Variants in NSD2 observed in about 807,000 individuals in gnomAD.
NSD2 encodes histone-lysine N-methyltransferase NSD2.
A neutral mutation model predicts 139.0 loss-of-function variants in NSD2; 12 were observed. The observed-to-expected ratio is 0.09, with a 90% CI of 0.06 to 0.14. The LOEUF (loss-of-function observed/expected upper bound fraction) is 0.14, where lower values mean the gene tolerates loss of function less well. NSD2 is among the 10% of genes least tolerant of loss of function. The pLI is 1.00. For missense variants in NSD2, 1,155 were observed against 1,745.0 expected (o/e 0.66, Z 6.02); for synonymous variants, 669 against 648.7 (o/e 1.03, Z -0.48).
chr4:1,905,492 G>A (rs1456575034), intron 3 of NSD2, among the ~76,000 whole-genome samples: 1 of 152,264 alleles, frequency 6.6e-6, no homozygotes, highest in African/African-American at 2.4e-5. Context: ...GGAGGCCTGA[G>A]CTCCTGTGGG....
At chr4:1,971,237 A>G (rs1293710368) in intron 18 of NSD2, among the ~76,000 whole-genome samples, 1 of 152,128 alleles carries the variant, frequency 6.6e-6, no homozygotes, top group Admixed American at 6.5e-5. Flanking sequence ...GGTGAAGTCG[A>G]AGAAAGGAGT....
rs111735900 is a variant in NSD2 at position 1,975,469 on chromosome 4, C to T, written c.3621+69C>T. 16 of 1,403,524 alleles carry T rather than the reference C, an allele frequency of 1.1e-5. No homozygotes were observed. The East Asian group carries it at 3.0e-4, about 26-fold the overall frequency. The allele number at this position is 1,403,524 out of a possible 1,614,324, so 86.9% of individuals were successfully genotyped here. A position where few individuals can be genotyped will look rare whatever the true frequency, so the allele number is the denominator to read the frequency against. On this transcript the variant is annotated intron_variant, in intron 20 of 21. Transcript: ENST00000508803. ...ATTTTGCACTCCTGGAGACCTGTGT[C>T]CCCCGTGAACAGCGGCTTCCTCCAG...
At position 1,978,963 on chromosome 4, in the gene NSD2, C is replaced by A; in HGVS notation, c.*54C>A. 4.2e-6 allele frequency: 6 copies of A among 1,444,300 alleles called. No homozygotes were observed. In the African/African-American group the frequency reaches 4.3e-5, roughly 10 times the overall value. The allele number at this position is 1,444,300 out of a possible 1,614,324, so 89.5% of individuals were successfully genotyped here. On this transcript the variant is annotated 3_prime_UTR_variant, in exon 22 of 22. Coordinates refer to ENST00000508803, the MANE Select transcript of NSD2 (RefSeq NM_001042424.3). The stretch of plus-strand genomic sequence containing the variant: ...GGGCGGTGCAGGGCGGCCGGCCCTG[C>A]CTGCGGGAGAGGGCGAGCATGAACT...
rs557395285 is a variant in NSD2, at chr4:1,888,029, T to A, written c.-29-12597T>A. Among the ~76,000 whole-genome samples the A allele has an allele frequency of 5.4e-4, 82 of 152,300 alleles. No individual in the cohort carries two copies. In the South Asian group the frequency reaches 0.017, roughly 31 times the overall value. Reference sequence around the variant, plus strand: ...CATCTTCTGCGATGGACCATCTGTTTTTTGCATCTCATGTCTTCCTTAGTT... The same window carrying A: ...CATCTTCTGCGATGGACCATCTGTTATTTGCATCTCATGTCTTCCTTAGTT... On this transcript the variant is annotated intron_variant, in intron 1 of 21. Coordinates refer to ENST00000508803, the MANE Select transcript of NSD2 (RefSeq NM_001042424.3).
In NSD2 at chr4:1,955,139, G is replaced by A. The variant is rs771978108; in HGVS notation, c.2339-22G>A. On this transcript the variant is annotated intron_variant, in intron 12 of 21. Transcript: ENST00000508803. This position sits in a 1 kb window ranked among gnomAD's most constrained non-coding sequence, Gnocchi z 4.7. The stretch of plus-strand genomic sequence containing the variant: ...CTGGAGTCAGTGTTTGGGGTCCTTA[G>A]GGTGTGTTTCTTTGCCTTCAGGTAA... 1 of 1,588,022 alleles carries A rather than the reference G, an allele frequency of 6.3e-7. No individual in the cohort carries two copies. Among genetic ancestry groups the A allele is most frequent in the South Asian group, 1.1e-5 (1 of 90,236 alleles).
At chr4:1,928,366 G>A (rs1308101283) in intron 5 of NSD2, among the ~76,000 whole-genome samples, 2 of 152,216 alleles carry the variant, frequency 1.3e-5, no homozygotes, top group Non-Finnish European at 2.9e-5. Context: ...GCTAACCTGA[G>A]CTTAAAAGTT....
chr4:1,938,363 T>C, intron 7 of NSD2, 88 bp from the exon 8 acceptor site: 2 of 1,185,898 alleles, frequency 1.7e-6, no homozygotes, highest in East Asian at 2.8e-5. Flanking sequence ...TCTTTTCCTT[T>C]TGTTGTTCTT....
rs1173566157 is a variant in NSD2 at position 1,918,580 on chromosome 4, C to G, written c.1367C>G (p.Ala456Gly). Residue 456 changes from alanine (A) to glycine (G), a missense_variant, in exon 5 of 22, where the codon GCA becomes GGA. By Grantham distance (60) the Ala-to-Gly change is moderately conservative. Transcript: ENST00000508803. Reference protein sequence around the residue: ...VSMPRSRKGDAASQFLVFCQK... With the variant: ...VSMPRSRKGDGASQFLVFCQK... ...ATGCCACGAAGCAGGAAGGGAGATG[C>G]AGCATCCCAGTTTTTGGTCTTCTGT... 8.1e-6 allele frequency: 13 copies of G among 1,613,760 alleles called. No individual in the cohort carries two copies. Among genetic ancestry groups the G allele is most frequent in the Non-Finnish European group, 1.0e-5 (12 of 1,179,976 alleles).
intron 9 of NSD2, chr4:1,946,334 C>A: frequency 1.6e-6 from 1 of 610,294 alleles, no homozygotes; most frequent in Non-Finnish European, 2.1e-6. Flanking sequence ...GTGGCACAAT[C>A]TCGGCTCACT....
intron 1 of NSD2, among the ~76,000 whole-genome samples, chr4:1,895,544 T>C (rs1444168077): frequency 1.3e-5 from 2 of 152,178 alleles, no homozygotes; most frequent in African/African-American, 4.8e-5. Context: ...TCAATACCAA[T>C]ACTTTTTTTT....
intron 1 of NSD2, among the ~76,000 whole-genome samples, chr4:1,892,505 A>G (rs779830910): frequency 3.3e-5 from 5 of 152,204 alleles, no homozygotes; most frequent in Admixed American, 6.5e-5. Context: ...TATTTTAAAA[A>G]ACAGCAATGT....
Position 1,978,425 on chromosome 4 carries a change from C to T in NSD2, c.3827-213C>T, listed in dbSNP as rs76358965. Among the ~76,000 whole-genome samples, 450 of 152,276 alleles carry T rather than the reference C, an allele frequency of 3.0e-3. 9 individuals carry two copies. The East Asian group carries it at 0.044, about 15-fold the overall frequency. On this transcript the variant is annotated intron_variant, in intron 21 of 21. Coordinates refer to ENST00000508803, the MANE Select transcript of NSD2 (RefSeq NM_001042424.3). Reference sequence around the variant, plus strand: ...CATAAAGAGACGCTAACAGGTGGTCCTTAGGGGCCTGGCAGGTACTGTGGA... The same window carrying T: ...CATAAAGAGACGCTAACAGGTGGTCTTTAGGGGCCTGGCAGGTACTGTGGA...
In NSD2 at chr4:1,981,403, G is replaced by T. The variant is rs920073105; in HGVS notation, c.*2494G>T. ...CCCTGCCCAGCTTTGTTCTGAGGAC[G>T]TGGTGACTTCCTGAACATCAGCTTC... On this transcript the variant is annotated 3_prime_UTR_variant, in exon 22 of 22. Transcript: ENST00000508803. The T allele has an allele frequency of 3.9e-5, 9 of 233,622 alleles. No individual in the cohort carries two copies. Among genetic ancestry groups the T allele is most frequent in the Non-Finnish European group, 7.6e-5 (9 of 118,302 alleles). 14.5% of individuals were successfully genotyped at this position (233,622 alleles called of 1,614,324 possible).
intron 3 of NSD2, among the ~76,000 whole-genome samples, chr4:1,914,722 A>G (rs1275499123): frequency 6.6e-6 from 1 of 152,182 alleles, no homozygotes. Flanking sequence ...TTTTGAAGGT[A>G]TTACTCCATT....
chr4:1,911,587 C>CAAAAAAAAAAAAAAAAAAAAAAAA (rs372660600), intron 3 of NSD2, among the ~76,000 whole-genome samples: 2 of 42,080 alleles, frequency 4.8e-5, no homozygotes, highest in East Asian at 8.0e-4. Context: ...GACGCCATCT[C>CAAAAAAAAAAAAAAAAAAAAAAAA]AAAAAAAAAA....
At chr4:1,872,629 A>AGAGAGAGAGAGAGAGAGAGAGAGAGAGG (rs1553856461) in intron 1 of NSD2, among the ~76,000 whole-genome samples, 4 of 142,694 alleles carry the variant, frequency 2.8e-5, no homozygotes, top group Non-Finnish European at 4.6e-5. Context: ...AGAGAGAGAG[A>AGAGAGAGAGAGAGAGAGAGAGAGAGAGG]GAGAGAGCGC....
intron 5 of NSD2, among the ~76,000 whole-genome samples, chr4:1,921,846 G>A (rs1006375861): frequency 1.3e-5 from 2 of 151,720 alleles, no homozygotes; most frequent in Non-Finnish European, 2.9e-5. Context: ...AACGTTGTAC[G>A]GAAAATAGTA....
rs963015314 is a variant in NSD2, at chr4:1,944,925, C to T, written c.1881+5147C>T. ...TGTATCTCCCAACTAGAAACAGCTC[C>T]AGTGTTTTTAAGAGAATGTTTCTTA... On this transcript the variant is annotated intron_variant, in intron 9 of 21. Transcript: ENST00000508803. 2.9e-5 allele frequency: 31 copies of T among 1,063,262 alleles called. No homozygotes were observed. The African/African-American group carries it at 4.9e-4, about 17-fold the overall frequency. 65.9% of individuals were successfully genotyped at this position (1,063,262 alleles called of 1,614,324 possible).
chr4:1,912,945 A>G (rs1718868010), intron 3 of NSD2, among the ~76,000 whole-genome samples: 1 of 152,212 alleles, frequency 6.6e-6, no homozygotes, highest in Non-Finnish European at 1.5e-5. Context: ...GACTGAAGGC[A>G]CAGGCTGTTC....
Sources: allele counts gnomAD v4.1 joint callset (sites outside exome capture counted in the v4.1 genomes callset), GRCh38; gene constraint gnomAD v4.1.1; non-coding constraint Gnocchi (gnomAD v3.1); transcripts MANE v1.5; gene names NCBI Gene and HGNC (gene_info 2026-07-23, HGNC 2026-07-21).